The following USP30 variants were observed in gnomAD, a reference collection of about 807,000 sequenced individuals.
USP30 encodes ubiquitin specific peptidase 30.
A neutral mutation model predicts 68.2 loss-of-function variants in USP30; 41 were observed. That is an observed-to-expected ratio of 0.60 (90% CI 0.47 to 0.78). The LOEUF (loss-of-function observed/expected upper bound fraction) is 0.78, where lower values mean the gene tolerates loss of function less well. USP30 is among the 30% of genes least tolerant of loss of function. The pLI is 0.00. For missense variants in USP30, 522 were observed against 649.4 expected (o/e 0.80, Z 2.13); for synonymous variants, 229 against 253.7 (o/e 0.90, Z 0.93).
intron 6 of USP30, 52 bp from the exon 7 acceptor site, chr12:109,073,386 C>A: frequency 7.9e-7 from 1 of 1,273,654 alleles, no homozygotes; most frequent in Non-Finnish European, 1.1e-6. Context: ...GAATGTTGAG[C>A]TTGGTGCCAA....
intron 3 of USP30, among the ~76,000 whole-genome samples, chr12:109,032,093 C>G (rs2040486407): frequency 1.2e-5 from 1 of 80,818 alleles, no homozygotes; most frequent in Non-Finnish European, 2.4e-5. Context: ...CAGAGTGAGA[C>G]TCTGTCAAAA....
intron 3 of USP30, among the ~76,000 whole-genome samples, chr12:109,038,114 C>T (rs949510916): frequency 6.6e-6 from 1 of 151,960 alleles, no homozygotes; most frequent in African/African-American, 2.4e-5. Context: ...CAACCTATCA[C>T]CTAGGTATTT....
intron 7 of USP30, among the ~76,000 whole-genome samples, chr12:109,075,084 A>T (rs1320663738): frequency 6.6e-6 from 1 of 152,188 alleles, no homozygotes; most frequent in African/African-American, 2.4e-5. Flanking sequence ...TTATATGTGT[A>T]TACCACATTT....
chr12:109,045,053 C>G (rs2040593110), intron 3 of USP30, among the ~76,000 whole-genome samples: 1 of 140,022 alleles, frequency 7.1e-6, no homozygotes, highest in African/African-American at 2.6e-5. Flanking sequence ...TCTCTGCTCA[C>G]TGCAACCTCC....
At chr12:109,055,400 A>ATATATATT (rs1298811530) in intron 1 of USP30, among the ~76,000 whole-genome samples, 2 of 24,476 alleles carry the variant, frequency 8.2e-5, no homozygotes, top group African/African-American at 2.2e-4. Flanking sequence ...ATATATATAT[A>ATATATATT]TTTTTTTTTT....
intron 3 of USP30, among the ~76,000 whole-genome samples, chr12:109,031,935 C>T (rs952919983): frequency 1.3e-5 from 2 of 151,886 alleles, no homozygotes; most frequent in African/African-American, 4.8e-5. Context: ...AAGACCTCAT[C>T]GCTACATTTT....
intron 3 of USP30, among the ~76,000 whole-genome samples, chr12:109,039,148 GATCT>G (rs375300005): frequency 0.025 from 3,791 of 152,096 alleles, 67 homozygotes; most frequent in Non-Finnish European, 0.036. Flanking sequence ...TGCTTTTTGT[GATCT>G]ATCTATGAAA....
In USP30 at chr12:109,052,585, G is replaced by C. The variant is rs968834479; in HGVS notation, c.-94G>C. ...CCGAGGTGCTGGGACTGCGGCCGCA[G>C]GTTCCGCTGTCTCGGGAACCGTCGT... On this transcript the variant is annotated 5_prime_UTR_variant, in exon 1 of 13. Coordinates refer to ENST00000257548, the MANE Select transcript of USP30 (RefSeq NM_032663.5). 37 of 1,294,356 alleles carry C rather than the reference G, an allele frequency of 2.9e-5. No individual in the cohort carries two copies. Among genetic ancestry groups the C allele is most frequent in the Non-Finnish European group, 3.7e-5 (37 of 994,234 alleles). The allele number at this position is 1,294,356 out of a possible 1,614,324, so 80.2% of individuals were successfully genotyped here.
Position 109,052,729 on chromosome 12 carries a change from C to T in USP30, c.51C>T (p.Ile17=). ...EAAMTAADRA[I]QRFLRTGAAV... is the part of the protein sequence containing the mutation. The stretch of plus-strand genomic sequence containing the variant: ...CGATGACCGCGGCCGACAGGGCCAT[C>T]CAGCGCTTCCTGCGGACCGGGGCGG... Residue 17 remains isoleucine (I), a synonymous_variant, in exon 1 of 13, where the codon ATC becomes ATT. Transcript: ENST00000257548. 3 of 1,467,730 alleles carry T rather than the reference C, an allele frequency of 2.0e-6. No individual in the cohort carries two copies. Among genetic ancestry groups the T allele is most frequent in the Non-Finnish European group, 2.7e-6 (3 of 1,111,524 alleles). The allele number at this position is 1,467,730 out of a possible 1,614,324, so 90.9% of individuals were successfully genotyped here.
chr12:109,049,451 C>A (rs1278435988), upstream of USP30, among the ~76,000 whole-genome samples: 1 of 152,090 alleles, frequency 6.6e-6, no homozygotes, highest in African/African-American at 2.4e-5. Flanking sequence ...TTTGTGGCAC[C>A]CCAAAACAAT....
rs1566084773 is a variant in USP30 at position 109,055,381 on chromosome 12, T to TATATATATATATATATATAC, written c.84-1282_84-1281insCATATATATATATATATATA. Among the ~76,000 whole-genome samples the TATATATATATATATATATAC allele has an allele frequency of 1.0e-3, 48 of 46,226 alleles. 1 individual carries two copies. The East Asian group carries it at 0.016, about 15-fold the overall frequency. 30.3% of individuals were successfully genotyped at this position (46,226 alleles called of 152,430 possible). A position where few individuals can be genotyped will look rare whatever the true frequency, so the allele number is the denominator to read the frequency against. ...ATATACACACACACATATATATACA[T>TATATATATATATATATATAC]ATATATATATATATATATATTTTTT... On this transcript the variant is annotated intron_variant, in intron 1 of 12. Transcript: ENST00000257548.
Position 109,073,488 on chromosome 12 carries a change from G to A in USP30, c.676G>A (p.Gly226Arg). The change falls in exon 7 of 13, where the codon GGA becomes AGA. Residue 226 changes from glycine to arginine, a missense_variant. Physicochemically the swap from Gly to Arg is moderately radical, Grantham distance 125 (BLOSUM62 -2). Transcript: ENST00000257548. ...NHWKSQHPFH[G>R]RLTSNMVCKH... ...CTGGAAGTCTCAACATCCTTTTCAT[G>A]GAAGACTCACTAGTAATATGGTCTG... 1 of 1,614,070 alleles carries A rather than the reference G, an allele frequency of 6.2e-7. No individual in the cohort carries two copies. Among genetic ancestry groups the A allele is most frequent in the Non-Finnish European group, 8.5e-7 (1 of 1,179,914 alleles).
chr12:109,052,667 G>C lies in USP30; in HGVS notation c.-12G>C. 6.7e-7 allele frequency: 1 copy of C among 1,502,620 alleles called. No homozygotes were observed. Among genetic ancestry groups the C allele is most frequent in the Non-Finnish European group, 8.8e-7 (1 of 1,131,650 alleles). The allele number at this position is 1,502,620 out of a possible 1,614,324, so 93.1% of individuals were successfully genotyped here. On this transcript the variant is annotated 5_prime_UTR_variant, in exon 1 of 13. Transcript: ENST00000257548. ...GCGGAGGAGACGGTTTCAGGCCTCC[G>C]GTGCGGCTGCAATGCTGAGCTCCCG...
Position 109,073,278 on chromosome 12 carries a change from CTT to C in USP30, c.626-157_626-156del, listed in dbSNP as rs2041501380. 2.6e-5 allele frequency among the ~76,000 whole-genome samples: 4 copies of C among 152,130 alleles called. No individual in the cohort carries two copies. In the South Asian group the frequency reaches 8.3e-4, roughly 31 times the overall value. The stretch of plus-strand genomic sequence containing the variant: ...ATTCTCCTATGAAGGAATGGGATGT[CTT>C]TTGGATGGAAGTCAATGAGGAAAGC... On this transcript the variant is annotated intron_variant, in intron 6 of 12. Coordinates refer to ENST00000257548, the MANE Select transcript of USP30 (RefSeq NM_032663.5).
At chr12:109,027,992 C>T (rs1350245932) in intron 3 of USP30, among the ~76,000 whole-genome samples, 1 of 152,178 alleles carries the variant, frequency 6.6e-6, no homozygotes, top group Non-Finnish European at 1.5e-5. Context: ...AGCAGCTGTA[C>T]CATTTTACAT....
intron 3 of USP30, among the ~76,000 whole-genome samples, chr12:109,029,753 C>T (rs894612345): frequency 2.6e-4 from 39 of 152,222 alleles, no homozygotes; most frequent in Middle Eastern, 3.4e-3. Context: ...TCCAAGATGA[C>T]GGTGCTCCTA....
At chr12:109,030,614 C>CTTGT (rs111228397) in intron 3 of USP30, among the ~76,000 whole-genome samples, 16 of 152,174 alleles carry the variant, frequency 1.1e-4, no homozygotes, top group Middle Eastern at 3.4e-3. Flanking sequence ...AGGTAGGTTG[C>CTTGT]TTGTTTGTTT....
chr12:109,033,915 G>A (rs1354319175), intron 3 of USP30, among the ~76,000 whole-genome samples: 1 of 152,080 alleles, frequency 6.6e-6, no homozygotes, highest in Non-Finnish European at 1.5e-5. Context: ...AACTAGGGAG[G>A]CCAAAAAGGG....
chr12:109,079,212 C>T (rs1379646460), intron 7 of USP30, among the ~76,000 whole-genome samples: 6 of 151,758 alleles, frequency 4.0e-5, no homozygotes, highest in African/African-American at 1.5e-4. Flanking sequence ...AATGTTGGCC[C>T]ACAGGTCACT....
Sources: gnomAD v4.1 joint callset for allele counts (sites outside exome capture counted in the v4.1 genomes callset) on GRCh38, gnomAD v4.1.1 for gene constraint, MANE v1.5 for transcripts, NCBI Gene and HGNC (gene_info 2026-07-23, HGNC 2026-07-21) for gene names.